Variants in PHACTR2 observed in about 807,000 individuals in gnomAD.
PHACTR2 encodes chromosome 6 open reading frame 56.
In PHACTR2, 30 loss-of-function variants were observed where a neutral mutation model predicts 76.0. That is an observed-to-expected ratio of 0.39 (90% CI 0.30 to 0.54). The LOEUF (loss-of-function observed/expected upper bound fraction) is 0.54, where lower values mean the gene tolerates loss of function less well. PHACTR2 is among the 20% of genes least tolerant of loss of function. PHACTR2 has a pLI of 0.61. For missense variants in PHACTR2, 696 were observed against 781.1 expected, an observed-to-expected ratio of 0.89 and a Z score of 1.30; for synonymous variants, 292 against 292.5, an observed-to-expected ratio of 1.00 and a Z score of 0.02.
intron 1 of PHACTR2, among the ~76,000 whole-genome samples, chr6:143,576,737 G>A (rs1775517530): frequency 6.6e-6 from 1 of 152,002 alleles, no homozygotes; most frequent in African/African-American, 2.4e-5. Flanking sequence ...TTAACCGGGT[G>A]TGGTGGCACA....
At chr6:143,817,086 G>C (rs771153294) in intron 12 of PHACTR2, among the ~76,000 whole-genome samples, 1 of 94,344 alleles carries the variant, frequency 1.1e-5, no homozygotes, top group Non-Finnish European at 2.0e-5. Flanking sequence ...CAAAAAAGAA[G>C]ATTATCTCTT....
chr6:143,774,034 A>AT lies in PHACTR2; in HGVS notation c.1433-22dup. On this transcript the variant is annotated intron_variant, in intron 7 of 12. Coordinates refer to ENST00000440869, the MANE Select transcript of PHACTR2 (RefSeq NM_001100164.2). This position sits in a 1 kb window ranked among gnomAD's most constrained non-coding sequence, Gnocchi z 5.4. ...ACTGGCTAAAAGCCTCTCTCTCTGC[A>AT]TTTCTGCTCTTTTTCAATCCTCAGG... The AT allele has an allele frequency of 6.2e-7, 1 of 1,608,756 alleles. No homozygotes were observed. The highest frequency in any genetic ancestry group is 8.5e-7 in the Non-Finnish European group (1 of 1,176,736).
At chr6:143,579,998 T>G (rs1775554799) in intron 1 of PHACTR2, among the ~76,000 whole-genome samples, 1 of 152,006 alleles carries the variant, frequency 6.6e-6, no homozygotes, top group African/African-American at 2.4e-5. Context: ...GGACCTTAGT[T>G]CCCCATGGGC....
chr6:143,776,600 T>C lies in PHACTR2; in HGVS notation c.1590-728T>C, dbSNP rs1029376707. On this transcript the variant is annotated intron_variant, in intron 8 of 12. Coordinates refer to ENST00000440869, the MANE Select transcript of PHACTR2 (RefSeq NM_001100164.2). This position sits in a 1 kb window ranked among gnomAD's most constrained non-coding sequence, Gnocchi z 5.3. The stretch of plus-strand genomic sequence containing the variant: ...AAGGAGACTGTGTAATGGGGGTCAG[T>C]GAGCAGCCTCAGCCATGATCTGTAG... Among the ~76,000 whole-genome samples the C allele has an allele frequency of 2.6e-5, 4 of 151,968 alleles. No individual in the cohort carries two copies. Among genetic ancestry groups the C allele is most frequent in the Non-Finnish European group, 4.4e-5 (3 of 67,972 alleles).
chr6:143,631,756 C>A (rs1776367230), intron 1 of PHACTR2, among the ~76,000 whole-genome samples: 1 of 152,028 alleles, frequency 6.6e-6, no homozygotes, highest in South Asian at 2.1e-4. Context: ...AGGAGTGAGA[C>A]AATTTTAGAA....
Position 143,760,352 on chromosome 6 carries a change from A to T in PHACTR2, c.455-49A>T. 4 of 1,539,254 alleles carry T rather than the reference A, an allele frequency of 2.6e-6. No individual in the cohort carries two copies. Among genetic ancestry groups the T allele is most frequent in the Non-Finnish European group, 3.5e-6 (4 of 1,135,388 alleles). ...GTCATGTCTTGCTCCTTGTGTTTATATGGTGTGTGTCTGTATCAGTCTGCT... is the reference window on the plus strand; with the variant it reads ...GTCATGTCTTGCTCCTTGTGTTTATTTGGTGTGTGTCTGTATCAGTCTGCT... On this transcript the variant is annotated intron_variant, in intron 4 of 12. Coordinates refer to ENST00000440869, the MANE Select transcript of PHACTR2 (RefSeq NM_001100164.2). This position sits in a 1 kb window ranked among gnomAD's most constrained non-coding sequence, Gnocchi z 6.4.
Position 143,782,764 on chromosome 6 carries a change from G to T in PHACTR2, c.1646-455G>T, listed in dbSNP as rs1167302893. On this transcript the variant is annotated intron_variant, in intron 9 of 12. Coordinates refer to ENST00000440869, the MANE Select transcript of PHACTR2 (RefSeq NM_001100164.2). The surrounding 1 kb of genome is among the most constrained non-coding windows in gnomAD (Gnocchi z 4.6). ...GAGTGGAAATCAGCAGCTCAGACAT[G>T]CATCGGATGGTTCTAATTTGCTCTT... 6.6e-6 allele frequency among the ~76,000 whole-genome samples: 1 copy of T among 152,290 alleles called. No homozygotes were observed. The highest frequency in any genetic ancestry group is 1.5e-5 in the Non-Finnish European group (1 of 68,024).
In PHACTR2 at chr6:143,777,257, T is replaced by C. The variant is rs1040301977; in HGVS notation, c.1590-71T>C. 3 of 782,424 alleles carry C rather than the reference T, an allele frequency of 3.8e-6. No individual in the cohort carries two copies. Among genetic ancestry groups the C allele is most frequent in the Non-Finnish European group, 6.5e-6 (3 of 461,454 alleles). 48.5% of individuals were successfully genotyped at this position (782,424 alleles called of 1,614,324 possible). The stretch of plus-strand genomic sequence containing the variant: ...TCAAAACATGAAAAATAGAGCTTTG[T>C]TGTTTTATTCTGAGTCTCCTACTAG... On this transcript the variant is annotated intron_variant, in intron 8 of 12. Transcript: ENST00000440869. The surrounding 1 kb of genome is among the most constrained non-coding windows in gnomAD (Gnocchi z 4.6).
chr6:143,695,491 T>C lies in PHACTR2; in HGVS notation c.47-16525T>C, dbSNP rs890271782. Among the ~76,000 whole-genome samples, 1 of 152,228 alleles carries C rather than the reference T, an allele frequency of 6.6e-6. No homozygotes were observed. The highest frequency in any genetic ancestry group is 2.4e-5 in the African/African-American group (1 of 41,452). ...GGCGTCTTACTATAGACAGTGGAAA[T>C]AACTGATAAGGATTTAATTAATTGC... is the stretch of plus-strand genomic sequence containing the variant. On this transcript the variant is annotated intron_variant, in intron 1 of 12. Transcript: ENST00000440869. This position sits in a 1 kb window ranked among gnomAD's most constrained non-coding sequence, Gnocchi z 4.4.
chr6:143,594,762 T>G (rs570500580), intron 1 of PHACTR2, among the ~76,000 whole-genome samples: 3 of 152,258 alleles, frequency 2.0e-5, no homozygotes, highest in Admixed American at 6.5e-5. Context: ...TTGCCGTCCA[T>G]GGATCTGGAA....
chr6:143,691,902 C>G (rs989169640), intron 1 of PHACTR2, among the ~76,000 whole-genome samples: 2 of 152,176 alleles, frequency 1.3e-5, no homozygotes, highest in Non-Finnish European at 2.9e-5. Flanking sequence ...TTATTTAAGA[C>G]TTCTGTTCAT....
Position 143,738,117 on chromosome 6 carries a change from A to T in PHACTR2, c.215-10868A>T, listed in dbSNP as rs1244430099. ...CTCAATAAAAAATAGGCTTTTAAAGATTATACATTTTTGGCCAGGCGCTGT... is the reference window on the plus strand; with the variant it reads ...CTCAATAAAAAATAGGCTTTTAAAGTTTATACATTTTTGGCCAGGCGCTGT... On this transcript the variant is annotated intron_variant, in intron 2 of 12. Transcript: ENST00000440869. This position sits in a 1 kb window ranked among gnomAD's most constrained non-coding sequence, Gnocchi z 4.0. Among the ~76,000 whole-genome samples, 1 of 152,162 alleles carries T rather than the reference A, an allele frequency of 6.6e-6. No individual in the cohort carries two copies. The highest frequency in any genetic ancestry group is 1.5e-5 in the Non-Finnish European group (1 of 68,038).
chr6:143,575,313 G>A (rs1409580872), intron 1 of PHACTR2, among the ~76,000 whole-genome samples: 1 of 151,914 alleles, frequency 6.6e-6, no homozygotes, highest in African/African-American at 2.4e-5. Context: ...CTATCTTTAG[G>A]TTTTAAACAT....
At chr6:143,567,046 T>G (rs1342633696) in intron 1 of PHACTR2, among the ~76,000 whole-genome samples, 1 of 151,922 alleles carries the variant, frequency 6.6e-6, no homozygotes, top group African/African-American at 2.4e-5. Flanking sequence ...AGCCACACAC[T>G]CAGTTCCGTG....
At chr6:143,634,879 C>A (rs928402529) in intron 1 of PHACTR2, among the ~76,000 whole-genome samples, 2 of 152,138 alleles carry the variant, frequency 1.3e-5, no homozygotes, top group East Asian at 3.9e-4. Context: ...TGGGGCGTCA[C>A]AAATTTAAAA....
chr6:143,765,889 A>C lies in PHACTR2; in HGVS notation c.1232+91A>C. The C allele has an allele frequency of 9.2e-7, 1 of 1,082,862 alleles. No homozygotes were observed. The highest frequency in any genetic ancestry group is 1.5e-5 in the South Asian group (1 of 64,562). The allele number at this position is 1,082,862 out of a possible 1,614,324, so 67.1% of individuals were successfully genotyped here. A position where few individuals can be genotyped will look rare whatever the true frequency, so the allele number is the denominator to read the frequency against. On this transcript the variant is annotated intron_variant, in intron 6 of 12. Transcript: ENST00000440869. The surrounding 1 kb of genome is among the most constrained non-coding windows in gnomAD (Gnocchi z 4.1). ...AATGAAGCACCGGGTTTGCTTTCTT[A>C]TATAATTTAATCTACTGAGTGTTAG...
chr6:143,814,778 A>AT (rs1776263688), intron 12 of PHACTR2, among the ~76,000 whole-genome samples: 1 of 151,572 alleles, frequency 6.6e-6, no homozygotes, highest in African/African-American at 2.4e-5. Flanking sequence ...AATTTTTTGT[A>AT]TTTTTAGTAG....
intron 1 of PHACTR2, among the ~76,000 whole-genome samples, chr6:143,640,011 G>T (rs1776537054): frequency 6.6e-6 from 1 of 152,132 alleles, no homozygotes; most frequent in African/African-American, 2.4e-5. Context: ...CATATATGAT[G>T]GTAATTCTGT....
At position 143,789,524 on chromosome 6, in the gene PHACTR2, T is replaced by G. The variant is rs954524904; in HGVS notation, c.1845+614T>G. ...AATTCCTGAAAAATGAAATATACAG[T>G]GGGTTCTATCAATGTAGAAAGACTT... On this transcript the variant is annotated intron_variant, in intron 11 of 12. Transcript: ENST00000440869. The surrounding 1 kb of genome is among the most constrained non-coding windows in gnomAD (Gnocchi z 5.1). Among the ~76,000 whole-genome samples the G allele has an allele frequency of 1.3e-5, 2 of 152,250 alleles. No homozygotes were observed. Among genetic ancestry groups the G allele is most frequent in the African/African-American group, 4.8e-5 (2 of 41,458 alleles).
Sources: allele counts gnomAD v4.1 joint callset (sites outside exome capture counted in the v4.1 genomes callset), GRCh38; gene constraint gnomAD v4.1.1; non-coding constraint Gnocchi (gnomAD v3.1); transcripts MANE v1.5; gene names NCBI Gene and HGNC (gene_info 2026-07-23, HGNC 2026-07-21).